STAT4: variants seen among roughly 807,000 people sequenced by gnomAD.
STAT4 encodes signal transducer and activator of transcription 4.
A neutral mutation model predicts 110.5 loss-of-function variants in STAT4; 42 were observed. The observed-to-expected ratio is 0.38, with a 90% CI of 0.30 to 0.49. STAT4 has a LOEUF of 0.49. STAT4 is among the 20% of genes least tolerant of loss of function. The pLI is 0.95. For synonymous variants in STAT4, 284 were observed against 302.2 expected (o/e 0.94, Z 0.63); for missense variants, 632 against 887.9 (o/e 0.71, Z 3.66).
chr2:191,090,054 T>TAATAATATAATA lies in STAT4; in HGVS notation c.274-13730_274-13729insTATTATATTATT, dbSNP rs1697748020. ...GAGCCCTAATGTAAATTATGGGACTTTAGTTAATAATAATATAATATTGTA... is the reference window on the plus strand; with the variant it reads ...GAGCCCTAATGTAAATTATGGGACTTAATAATATAATATAGTTAATAATAATATAATATTGTA... On this transcript the variant is annotated intron_variant, in intron 3 of 23. Transcript: ENST00000392320. This position sits in a 1 kb window ranked among gnomAD's most constrained non-coding sequence, Gnocchi z 4.2. Among the ~76,000 whole-genome samples the TAATAATATAATA allele has an allele frequency of 6.6e-6, 1 of 152,120 alleles. No homozygotes were observed. The highest frequency in any genetic ancestry group is 1.5e-5 in the Non-Finnish European group (1 of 68,022).
chr2:191,134,324 C>T (rs538823545), intron 3 of STAT4, among the ~76,000 whole-genome samples: 1 of 152,338 alleles, frequency 6.6e-6, no homozygotes, highest in African/African-American at 2.4e-5. Flanking sequence ...AGAACCCACA[C>T]ACCTGCCTGG....
At position 191,104,157 on chromosome 2, in the gene STAT4, A is replaced by T. The variant is rs1698215300; in HGVS notation, c.274-27832T>A. Among the ~76,000 whole-genome samples the T allele has an allele frequency of 6.6e-6, 1 of 152,226 alleles. No homozygotes were observed. The highest frequency in any genetic ancestry group is 2.1e-4 in the South Asian group (1 of 4,834). On this transcript the variant is annotated intron_variant, in intron 3 of 23. Transcript: ENST00000392320. This position sits in a 1 kb window ranked among gnomAD's most constrained non-coding sequence, Gnocchi z 4.3. ...CTTTTAAAAAGACAAGAAAAAATAT[A>T]CTAAAGTATCAACAGTGGTTGCAAA...
chr2:191,125,765 T>C (rs568928639), intron 3 of STAT4, among the ~76,000 whole-genome samples: 25 of 152,120 alleles, frequency 1.6e-4, no homozygotes, highest in Admixed American at 1.0e-3. Context: ...ATTACAGACA[T>C]GAGTCACCAT....
intron 4 of STAT4, among the ~76,000 whole-genome samples, chr2:191,074,461 C>T (rs2459611): frequency 0.77 from 117,581 of 152,134 alleles, 48,950 homozygotes; most frequent in East Asian, 1. Flanking sequence ...TAATAACCAG[C>T]ACTTCTTTTG....
rs1456630483 is a variant in STAT4, at chr2:191,037,418, A to G, written c.1435-1119T>C. On this transcript the variant is annotated intron_variant, in intron 16 of 23. Coordinates refer to ENST00000392320, the MANE Select transcript of STAT4 (RefSeq NM_003151.4). This position sits in a 1 kb window ranked among gnomAD's most constrained non-coding sequence, Gnocchi z 4.8. The stretch of plus-strand genomic sequence containing the variant: ...ACTCTCTTGCCTCAACCTCTCAAGT[A>G]GCTGAAACTACAGGTGTGTACCATT... 6.6e-6 allele frequency among the ~76,000 whole-genome samples: 1 copy of G among 152,222 alleles called. No individual in the cohort carries two copies. The highest frequency in any genetic ancestry group is 1.5e-5 in the Non-Finnish European group (1 of 68,048).
At position 191,149,923 on chromosome 2, in the gene STAT4, A is replaced by G. The variant is rs60609051; in HGVS notation, c.-2+1024T>C. On this transcript the variant is annotated intron_variant, in intron 1 of 23. Coordinates refer to ENST00000392320, the MANE Select transcript of STAT4 (RefSeq NM_003151.4). ...CAGGTAGATGGGAGGAATAAGTTCTAGTGCTGTAACACTAGGATGAATATG... is the reference window on the plus strand; with the variant it reads ...CAGGTAGATGGGAGGAATAAGTTCTGGTGCTGTAACACTAGGATGAATATG... Among the ~76,000 whole-genome samples the G allele has an allele frequency of 3.9e-3, 597 of 152,360 alleles. 4 individuals are homozygous for G. Among genetic ancestry groups the G allele is most frequent in the African/African-American group, 0.014 (574 of 41,588 alleles).
At chr2:191,149,898 C>T (rs1699550110) in intron 1 of STAT4, among the ~76,000 whole-genome samples, 1 of 152,090 alleles carries the variant, frequency 6.6e-6, no homozygotes, top group South Asian at 2.1e-4. Context: ...CTAAAACTTA[C>T]AGGTAGATGG....
chr2:191,092,376 C>G (rs991230425), intron 3 of STAT4, among the ~76,000 whole-genome samples: 13 of 151,992 alleles, frequency 8.6e-5, no homozygotes, highest in Non-Finnish European at 1.8e-4. Flanking sequence ...TGCACTCCAG[C>G]CTGGGTGACA....
Position 191,147,735 on chromosome 2 carries a change from G to C in STAT4, c.128+341C>G, listed in dbSNP as rs1699494484. 1.3e-5 allele frequency among the ~76,000 whole-genome samples: 2 copies of C among 152,114 alleles called. No homozygotes were observed. Among genetic ancestry groups the C allele is most frequent in the African/African-American group, 4.8e-5 (2 of 41,420 alleles). ...TATAAGGTGAATAGAGCTTTGAAGAGTATAAATCTTACTGAGAAAAAAATA... is the reference window on the plus strand; with the variant it reads ...TATAAGGTGAATAGAGCTTTGAAGACTATAAATCTTACTGAGAAAAAAATA... On this transcript the variant is annotated intron_variant, in intron 2 of 23. Coordinates refer to ENST00000392320, the MANE Select transcript of STAT4 (RefSeq NM_003151.4). The surrounding 1 kb of genome is among the most constrained non-coding windows in gnomAD (Gnocchi z 4.1).
chr2:191,048,204 T>C (rs1030451701), intron 14 of STAT4, among the ~76,000 whole-genome samples: 1 of 152,220 alleles, frequency 6.6e-6, no homozygotes, highest in African/African-American at 2.4e-5. Flanking sequence ...GAGAGGGTGA[T>C]TATTTTCTCA....
intron 3 of STAT4, among the ~76,000 whole-genome samples, chr2:191,087,178 A>G (rs916362353): frequency 6.6e-6 from 1 of 152,158 alleles, no homozygotes; most frequent in Non-Finnish European, 1.5e-5. Context: ...TATAGTGATG[A>G]AAGAAGATAT....
At position 191,082,146 on chromosome 2, in the gene STAT4, C is replaced by T. The variant is rs1195554428; in HGVS notation, c.274-5821G>A. On this transcript the variant is annotated intron_variant, in intron 3 of 23. Coordinates refer to ENST00000392320, the MANE Select transcript of STAT4 (RefSeq NM_003151.4). The surrounding 1 kb of genome is among the most constrained non-coding windows in gnomAD (Gnocchi z 4.7). The stretch of plus-strand genomic sequence containing the variant: ...ATCTTTTTTGCATTAATTTCAGTAA[C>T]AAAATATAATACAACTTTATCTACT... Among the ~76,000 whole-genome samples, 1 of 152,080 alleles carries T rather than the reference C, an allele frequency of 6.6e-6. No homozygotes were observed. The highest frequency in any genetic ancestry group is 1.9e-4 in the East Asian group (1 of 5,202).
intron 3 of STAT4, among the ~76,000 whole-genome samples, chr2:191,081,554 T>TCTTA (rs1218164211): frequency 6.6e-6 from 1 of 152,232 alleles, no homozygotes; most frequent in Non-Finnish European, 1.5e-5. Flanking sequence ...TGAGATGGTA[T>TCTTA]CTTACTGTGG....
At chr2:191,078,287 T>C (rs1451858716) in intron 3 of STAT4, among the ~76,000 whole-genome samples, 1 of 152,184 alleles carries the variant, frequency 6.6e-6, no homozygotes, top group Non-Finnish European at 1.5e-5. Context: ...ATTCAGATAC[T>C]ACCTTTCAAC....
In STAT4 at chr2:191,058,693, GA is replaced by G. The variant is rs1559048175; in HGVS notation, c.1094+16del. 2 of 1,531,442 alleles carry G rather than the reference GA, an allele frequency of 1.3e-6. No individual in the cohort carries two copies. The highest frequency in any genetic ancestry group is 2.8e-5 in the African/African-American group (2 of 72,066). The allele number at this position is 1,531,442 out of a possible 1,614,324, so 94.9% of individuals were successfully genotyped here. ...TACATTTGGAATTGTAATTCAAAAC[GA>G]AATTAGAAAACTTACTTGTCAATTG... is the stretch of plus-strand genomic sequence containing the variant. On this transcript the variant is annotated intron_variant, in intron 11 of 23. Coordinates refer to ENST00000392320, the MANE Select transcript of STAT4 (RefSeq NM_003151.4). This position sits in a 1 kb window ranked among gnomAD's most constrained non-coding sequence, Gnocchi z 4.3.
rs1698591268 is a variant in STAT4 at position 191,117,076 on chromosome 2, G to A, written c.273+29537C>T. ...AAATCCAATAGGAACAGAATCTCTG[G>A]AGTGGGGCTGCGCATGGCTAATTTT... On this transcript the variant is annotated intron_variant, in intron 3 of 23. Coordinates refer to ENST00000392320, the MANE Select transcript of STAT4 (RefSeq NM_003151.4). The surrounding 1 kb of genome is among the most constrained non-coding windows in gnomAD (Gnocchi z 5.2). Among the ~76,000 whole-genome samples the A allele has an allele frequency of 1.3e-5, 2 of 152,110 alleles. No individual in the cohort carries two copies. The highest frequency in any genetic ancestry group is 4.2e-4 in the South Asian group (2 of 4,818).
Position 191,029,647 on chromosome 2 carries a change from G to T in STAT4, c.*193C>A. On this transcript the variant is annotated 3_prime_UTR_variant, in exon 24 of 24. Transcript: ENST00000392320. This position sits in a 1 kb window ranked among gnomAD's most constrained non-coding sequence, Gnocchi z 4.5. ...ATCTTGCAAGTTTATCTGAAGCTTTGGTTTCAAGCATTTCAGTCACAACAC... is the reference window on the plus strand; with the variant it reads ...ATCTTGCAAGTTTATCTGAAGCTTTTGTTTCAAGCATTTCAGTCACAACAC... The T allele has an allele frequency of 1.7e-6, 1 of 571,800 alleles. No homozygotes were observed. Among genetic ancestry groups the T allele is most frequent in the East Asian group, 3.3e-5 (1 of 29,928 alleles). The allele number at this position is 571,800 out of a possible 1,614,324, so 35.4% of individuals were successfully genotyped here.
At chr2:191,096,538 A>C (rs35530971) in intron 3 of STAT4, among the ~76,000 whole-genome samples, 47 of 152,328 alleles carry the variant, frequency 3.1e-4, no homozygotes, top group Non-Finnish European at 2.9e-5. Flanking sequence ...ATCTCAACAG[A>C]TGCAGAGAAG....
At chr2:191,063,814 A>G (rs1696912383) in intron 8 of STAT4, among the ~76,000 whole-genome samples, 2 of 152,212 alleles carry the variant, frequency 1.3e-5, no homozygotes, top group South Asian at 2.1e-4. Context: ...AGGAAAATCA[A>G]TGTTTTAAAA....
Sources: allele counts gnomAD v4.1 joint callset (sites outside exome capture counted in the v4.1 genomes callset), GRCh38; gene constraint gnomAD v4.1.1; non-coding constraint Gnocchi (gnomAD v3.1); transcripts MANE v1.5; gene names NCBI Gene and HGNC (gene_info 2026-07-23, HGNC 2026-07-21).